CPA6: variants seen among roughly 807,000 people sequenced by gnomAD.
The protein encoded by CPA6 is carboxypeptidase A6, also known as carboxypeptidase B.
In CPA6, 58 loss-of-function variants were observed where a neutral mutation model predicts 63.3. The ratio of observed to expected loss-of-function variants is 0.92; its 90% confidence interval spans 0.74 to 1.14. CPA6 has a LOEUF of 1.14. Among genes scored for constraint, CPA6 ranks in the 50% most tolerant of loss-of-function variants. The pLI is 0.00. For synonymous variants in CPA6, 185 were observed against 179.0 expected (o/e 1.03, Z -0.27); for missense variants, 565 against 526.6 (o/e 1.07, Z -0.71).
chr8:67,654,766 G>C (rs954113280), intron 1 of CPA6, among the ~76,000 whole-genome samples: 2 of 152,060 alleles, frequency 1.3e-5, no homozygotes, highest in South Asian at 4.1e-4. Flanking sequence ...TGAAAATGTG[G>C]TTCTGAGGCA....
intron 2 of CPA6, among the ~76,000 whole-genome samples, chr8:67,554,217 T>C (rs1054706475): frequency 1.3e-5 from 2 of 152,106 alleles, no homozygotes; most frequent in Admixed American, 6.5e-5. Context: ...TGGCTCACGA[T>C]TCTGCAGGCT....
At chr8:67,713,919 T>C (rs1817325302) in intron 1 of CPA6, among the ~76,000 whole-genome samples, 1 of 152,226 alleles carries the variant, frequency 6.6e-6, no homozygotes. Context: ...GCACAGGGAC[T>C]AAGCTGAAAT....
At chr8:67,639,514 C>T (rs985129535) in intron 1 of CPA6, among the ~76,000 whole-genome samples, 1 of 151,588 alleles carries the variant, frequency 6.6e-6, no homozygotes, top group African/African-American at 2.4e-5. Context: ...AAGGCTGTGG[C>T]TGGACAAGGT....
At chr8:67,495,828 T>A (rs1811699530) in intron 6 of CPA6, among the ~76,000 whole-genome samples, 1 of 152,080 alleles carries the variant, frequency 6.6e-6, no homozygotes, top group Admixed American at 6.6e-5. Flanking sequence ...GCTGGAATTA[T>A]AGGTGTCAGC....
rs767794744 is a variant in CPA6 at position 67,746,174 on chromosome 8, G to T, written c.-45C>A. 7.3e-5 allele frequency: 108 copies of T among 1,471,252 alleles called. No homozygotes were observed. The highest frequency in any genetic ancestry group is 8.8e-5 in the Non-Finnish European group (94 of 1,063,454). The allele number at this position is 1,471,252 out of a possible 1,614,324, so 91.1% of individuals were successfully genotyped here. ...TTGAAAGTTACTTAAGCAGCCACCC[G>T]AGGCTGGAGGTGGCTCACAGCACCC... On this transcript the variant is annotated 5_prime_UTR_variant, in exon 1 of 11. Coordinates refer to ENST00000297770, the MANE Select transcript of CPA6 (RefSeq NM_020361.5).
chr8:67,429,832 G>C (rs1351155442), intron 9 of CPA6, among the ~76,000 whole-genome samples: 1 of 152,028 alleles, frequency 6.6e-6, no homozygotes, highest in African/African-American at 2.4e-5. Context: ...GAAAAAAAAA[G>C]ATAATCACTT....
chr8:67,566,702 A>G (rs1448512951), intron 2 of CPA6, among the ~76,000 whole-genome samples: 1 of 152,184 alleles, frequency 6.6e-6, no homozygotes, highest in East Asian at 1.9e-4. Context: ...CCTCACCACC[A>G]AACCCTAACC....
At chr8:67,619,223 A>T (rs541705518) in intron 2 of CPA6, among the ~76,000 whole-genome samples, 7 of 152,330 alleles carry the variant, frequency 4.6e-5, no homozygotes, top group African/African-American at 1.7e-4. Context: ...AATCAGGAAA[A>T]TTAACAATGA....
At chr8:67,580,847 G>A (rs1278251091) in intron 2 of CPA6, among the ~76,000 whole-genome samples, 1 of 152,118 alleles carries the variant, frequency 6.6e-6, no homozygotes, top group Non-Finnish European at 1.5e-5. Flanking sequence ...TGATTAATAG[G>A]GTGGTAGTCA....
intron 2 of CPA6, among the ~76,000 whole-genome samples, chr8:67,569,112 ATCCAGGTACAGGGAGTACAAAAG>A (rs1229690183): frequency 1.3e-5 from 2 of 152,178 alleles, no homozygotes; most frequent in African/African-American, 4.8e-5. Flanking sequence ...AGAAGGTAAC[ATCCAGGTACAGGGAGTACAAAAG>A]TCCCAATTAA....
At chr8:67,718,445 A>T (rs1392087373) in intron 1 of CPA6, among the ~76,000 whole-genome samples, 1 of 152,162 alleles carries the variant, frequency 6.6e-6, no homozygotes, top group Admixed American at 6.5e-5. Flanking sequence ...CTAGGCTAGG[A>T]CCATGGGTTA....
At chr8:67,642,537 C>T (rs1030905389) in intron 1 of CPA6, among the ~76,000 whole-genome samples, 10 of 152,014 alleles carry the variant, frequency 6.6e-5, no homozygotes, top group South Asian at 4.2e-4. Context: ...AAACAGGCAA[C>T]GCACTTGTGA....
At chr8:67,644,287 G>T (rs938100768) in intron 1 of CPA6, among the ~76,000 whole-genome samples, 1 of 151,976 alleles carries the variant, frequency 6.6e-6, no homozygotes, top group Admixed American at 6.6e-5. Context: ...CCTGGCTAAT[G>T]TTTTGTATTT....
intron 2 of CPA6, among the ~76,000 whole-genome samples, chr8:67,529,162 TA>T (rs372894143): frequency 3.6e-4 from 55 of 151,076 alleles, no homozygotes; most frequent in African/African-American, 1.2e-3. Context: ...ACTTCCTATT[TA>T]AAAAAAAATG....
intron 1 of CPA6, among the ~76,000 whole-genome samples, chr8:67,660,579 T>A (rs1424502247): frequency 6.9e-6 from 1 of 145,690 alleles, no homozygotes; most frequent in Non-Finnish European, 1.5e-5. Flanking sequence ...GCTCAAGTGA[T>A]GTGCCTGCCT....
At chr8:67,552,660 C>A (rs186300110) in intron 2 of CPA6, among the ~76,000 whole-genome samples, 1 of 150,762 alleles carries the variant, frequency 6.6e-6, no homozygotes, top group Admixed American at 6.6e-5. Context: ...GTAGTCCCAG[C>A]TACTCGGGAG....
At chr8:67,489,183 C>G (rs931563558) in intron 6 of CPA6, among the ~76,000 whole-genome samples, 27 of 151,944 alleles carry the variant, frequency 1.8e-4, no homozygotes, top group African/African-American at 6.0e-4. Context: ...AGGGCTCAAG[C>G]AATCCTCCTT....
At chr8:67,655,311 G>T (rs550093954) in intron 1 of CPA6, among the ~76,000 whole-genome samples, 17 of 152,264 alleles carry the variant, frequency 1.1e-4, no homozygotes, top group Admixed American at 3.3e-4. Context: ...AAATAGAATA[G>T]CAGTAAAATC....
At chr8:67,719,467 C>T (rs1252598146) in intron 1 of CPA6, among the ~76,000 whole-genome samples, 1 of 152,094 alleles carries the variant, frequency 6.6e-6, no homozygotes, top group African/African-American at 2.4e-5. Flanking sequence ...GCAAGGGCTG[C>T]AGTGGGCCAA....
Sources: allele counts gnomAD v4.1 joint callset (sites outside exome capture counted in the v4.1 genomes callset), GRCh38; gene constraint gnomAD v4.1.1; transcripts MANE v1.5; gene names NCBI Gene and HGNC (gene_info 2026-07-23, HGNC 2026-07-21).